Variants in CUBN observed in about 807,000 individuals in gnomAD.
The protein encoded by CUBN is 460 kDa receptor.
A neutral mutation model predicts 405.3 loss-of-function variants in CUBN; 282 were observed. That is an observed-to-expected ratio of 0.70 (90% CI 0.63 to 0.77). The LOEUF (loss-of-function observed/expected upper bound fraction) is 0.77. CUBN is among the 30% of genes least tolerant of loss of function. CUBN has a pLI of 0.00. For synonymous variants in CUBN, 1,684 were observed against 1,617.0 expected (o/e 1.04, Z -0.99); for missense variants, 4,514 against 4,475.2 (o/e 1.01, Z -0.25).
chr10:16,874,289 C>G, intron 58 of CUBN, 85 bp downstream of exon 58: 7 of 1,370,432 alleles, frequency 5.1e-6, no homozygotes, highest in Non-Finnish European at 7.3e-6. Flanking sequence ...CGATGAGAAT[C>G]AGTGCCCTCC....
intron 8 of CUBN, 59 bp downstream of exon 8, chr10:17,113,968 G>T: frequency 1.3e-6 from 2 of 1,545,932 alleles, no homozygotes; most frequent in South Asian, 1.2e-5. Context: ...AAAGAAAATT[G>T]GTTCTGGCAC....
At chr10:16,852,037 C>A (rs1588587116) in intron 59 of CUBN, among the ~76,000 whole-genome samples, 4 of 112,222 alleles carry the variant, frequency 3.6e-5, no homozygotes, top group Admixed American at 8.3e-5. Flanking sequence ...TCCCTCCCTC[C>A]CTCTATCTTT....
At chr10:17,014,695 G>C (rs932780198) in intron 28 of CUBN, among the ~76,000 whole-genome samples, 2 of 152,166 alleles carry the variant, frequency 1.3e-5, no homozygotes, top group South Asian at 4.1e-4. Flanking sequence ...GCTGGGATGA[G>C]GCTTCCAAAC....
intron 59 of CUBN, among the ~76,000 whole-genome samples, chr10:16,861,676 T>C (rs1193016972): frequency 6.6e-6 from 1 of 151,294 alleles, no homozygotes; most frequent in Admixed American, 6.6e-5. Flanking sequence ...CAAACTGAGT[T>C]TGAATCTGGG....
chr10:16,914,107 T>C, intron 47 of CUBN, 115 bp from the exon 48 acceptor site: 2 of 1,104,124 alleles, frequency 1.8e-6, no homozygotes, highest in Non-Finnish European at 2.7e-6. Flanking sequence ...AAAATTAGTC[T>C]CCATATTTAT....
rs759124711 is a variant in CUBN, at chr10:16,937,771, G to C, written c.5747C>G (p.Pro1916Arg). The C allele has an allele frequency of 6.2e-7, 1 of 1,613,800 alleles. No individual in the cohort carries two copies. The highest frequency in any genetic ancestry group is 2.2e-5 in the East Asian group (1 of 44,860). ...TCCAATTAGGCGGGCGTGAATGCTAGGCCCATCATAGATCTGTACATAAAA... is the reference window on the plus strand; with the variant it reads ...TCCAATTAGGCGGGCGTGAATGCTACGCCCATCATAGATCTGTACATAAAA... ...YYDKLRIYDG[P>R]SIHARLIGAY... The change falls in exon 39 of 67, where the codon CCT becomes CGT. Residue 1916 changes from proline to arginine, a missense_variant. Transcript: ENST00000377833.
rs142772950 is a variant in CUBN at position 17,063,856 on chromosome 10, G to A, written c.3139+1652C>T. Among the ~76,000 whole-genome samples the A allele has an allele frequency of 5.3e-3, 801 of 152,278 alleles. 4 individuals are homozygous for A. The highest frequency in any genetic ancestry group is 0.018 in the African/African-American group (754 of 41,556). On this transcript the variant is annotated intron_variant, in intron 22 of 66. Transcript: ENST00000377833. ...TGATTAAAGCCAGAAGTCATCTCTC[G>A]AAGATTACCAAATCCAATTCCTTAA... is the stretch of plus-strand genomic sequence containing the variant.
intron 54 of CUBN, among the ~76,000 whole-genome samples, chr10:16,898,446 G>A (rs1175814793): frequency 6.6e-6 from 1 of 152,010 alleles, no homozygotes. Flanking sequence ...TGGAAATAAG[G>A]CACTCTTTCT....
intron 28 of CUBN, among the ~76,000 whole-genome samples, chr10:17,007,332 G>A (rs7916443): frequency 0.26 from 39,304 of 152,022 alleles, 5,789 homozygotes; most frequent in East Asian, 0.42. Context: ...TTGAGGACCC[G>A]CATAAAAGGC....
rs939892049 is a variant in CUBN at position 17,044,863 on chromosome 10, T to C, written c.3672+144A>G. The C allele has an allele frequency of 3.5e-6, 3 of 859,614 alleles. No homozygotes were observed. The African/African-American group carries it at 5.1e-5, about 15-fold the overall frequency. The allele number at this position is 859,614 out of a possible 1,614,324, so 53.2% of individuals were successfully genotyped here. On this transcript the variant is annotated intron_variant, in intron 25 of 66. Transcript: ENST00000377833. ...AGATGGTCACTTTCACCAAATTTCT[T>C]TTATGTTTTTATTTTGTTTGAATTT...
rs1157805672 is a variant in CUBN, at chr10:16,948,511, C to A, written c.5176G>T (p.Gly1726Cys). The change falls in exon 35 of 67, where the codon GGT (glycine) becomes TGT (cysteine). Residue 1726 changes from glycine to cysteine, a missense_variant. By Grantham distance (159) the Gly-to-Cys change is radical. Coordinates refer to ENST00000377833, the MANE Select transcript of CUBN (RefSeq NM_001081.4). ...FVSDSSISAG[G>C]FHTTVTASVS... ...GATGCGGTGACCGTGGTGTGGAAAC[C>A]CCCAGCACTGATGCTAGAATCAGAG... The A allele has an allele frequency of 6.2e-7, 1 of 1,613,972 alleles. No individual in the cohort carries two copies. Among genetic ancestry groups the A allele is most frequent in the East Asian group, 2.2e-5 (1 of 44,848 alleles).
chr10:17,127,183 T>G (rs538195879), intron 3 of CUBN, among the ~76,000 whole-genome samples: 14 of 146,666 alleles, frequency 9.5e-5, no homozygotes, highest in African/African-American at 3.3e-4. Flanking sequence ...TTTCTTTCTC[T>G]CTCTCTCTTT....
chr10:17,053,109 G>C (rs1420884144), intron 22 of CUBN, among the ~76,000 whole-genome samples: 1 of 151,642 alleles, frequency 6.6e-6, no homozygotes, highest in Non-Finnish European at 1.5e-5. Context: ...GACAATGAAG[G>C]AAATAGAATG....
intron 56 of CUBN, among the ~76,000 whole-genome samples, chr10:16,887,733 A>C (rs1391695169): frequency 6.6e-6 from 1 of 152,240 alleles, no homozygotes; most frequent in Non-Finnish European, 1.5e-5. Flanking sequence ...GCATAGATCC[A>C]AAGGAAATCA....
At chr10:17,011,890 A>C (rs1179355957) in intron 28 of CUBN, among the ~76,000 whole-genome samples, 1 of 152,152 alleles carries the variant, frequency 6.6e-6, no homozygotes, top group East Asian at 1.9e-4. Context: ...AAGTTCTCCA[A>C]GTCCCCACCT....
chr10:16,841,084 T>C, intron 60 of CUBN, 37 bp from the exon 61 acceptor site: 1 of 1,601,992 alleles, frequency 6.2e-7, no homozygotes, highest in Non-Finnish European at 8.5e-7. Context: ...CTCCATTACT[T>C]ACAAAAAATT....
intron 62 of CUBN, among the ~76,000 whole-genome samples, chr10:16,836,609 A>G (rs1452417983): frequency 6.6e-6 from 1 of 152,224 alleles, no homozygotes; most frequent in Non-Finnish European, 1.5e-5. Context: ...TGCTGAAACC[A>G]CAGACATTTC....
intron 54 of CUBN, among the ~76,000 whole-genome samples, chr10:16,893,342 A>ACATAAC (rs1171219707): frequency 5.9e-5 from 9 of 152,188 alleles, no homozygotes; most frequent in Non-Finnish European, 1.0e-4. Flanking sequence ...CAACCAGGTT[A>ACATAAC]CTGGCATTGA....
At chr10:17,008,238 G>GTGGT (rs1554809152) in intron 28 of CUBN, among the ~76,000 whole-genome samples, 1 of 80,910 alleles carries the variant, frequency 1.2e-5, no homozygotes, top group African/African-American at 3.7e-5. Flanking sequence ...GCCCGTGTGT[G>GTGGT]GTGTGTGTGT....
Sources: gnomAD v4.1 joint callset for allele counts (sites outside exome capture counted in the v4.1 genomes callset) on GRCh38, gnomAD v4.1.1 for gene constraint, MANE v1.5 for transcripts, NCBI Gene and HGNC (gene_info 2026-07-23, HGNC 2026-07-21) for gene names.